NUMA1: variants seen among roughly 807,000 people sequenced by gnomAD.
NUMA1 encodes the protein SP-H antigen.
NUMA1 carries 62 observed loss-of-function variants against 237.1 expected under a neutral mutation model. That is an observed-to-expected ratio of 0.26 (90% CI 0.21 to 0.32). NUMA1 has a LOEUF of 0.32. NUMA1 is among the 10% of genes least tolerant of loss of function. The pLI is 1.00. For missense variants in NUMA1, 2,533 were observed against 2,666.5 expected, an observed-to-expected ratio of 0.95 and a Z score of 1.10; for synonymous variants, 1,028 against 1,066.1, an observed-to-expected ratio of 0.96 and a Z score of 0.70.
At chr11:72,019,065 C>A in intron 9 of NUMA1, 85 bp from the exon 10 acceptor site, 2 of 1,488,450 alleles carry the variant, frequency 1.3e-6, no homozygotes, top group South Asian at 2.4e-5. Flanking sequence ...GGAGCGGGGT[C>A]TATGGAAGTG....
chr11:72,016,303 AGTC>A (rs762788110), intron 14 of NUMA1, 43 bp from the exon 15 acceptor site: 1 of 1,583,654 alleles, frequency 6.3e-7, no homozygotes, highest in Non-Finnish European at 8.6e-7. Context: ...ATGACTCCTC[AGTC>A]ATCAAGACTC....
chr11:72,013,793 A>AG lies in NUMA1; in HGVS notation c.3709dup (p.Leu1237ProfsTer66). ...CTCCTTCTCCAGGACCTGGCGATTC[A>AG]GGATGGACACCTCCTCCTCCAAGCT... is the stretch of plus-strand genomic sequence containing the variant. On this transcript the variant is annotated frameshift_variant, in exon 15 of 27. Transcript: ENST00000393695. LOFTEE classifies it high-confidence loss of function. This position sits in a 1 kb window ranked among gnomAD's most constrained non-coding sequence, Gnocchi z 6.8. The AG allele has an allele frequency of 1.2e-6, 2 of 1,610,332 alleles. No individual in the cohort carries two copies. The highest frequency in any genetic ancestry group is 8.5e-7 in the Non-Finnish European group (1 of 1,180,008).
chr11:72,065,387 C>CTATT (rs1366928028), intron 2 of NUMA1: 1 of 151,860 alleles, frequency 6.6e-6, no homozygotes, highest in African/African-American at 2.4e-5. Context: ...ATATGATAGA[C>CTATT]TATTATGCAG....
At chr11:72,076,183 G>A (rs1192980980) in intron 1 of NUMA1, among the ~76,000 whole-genome samples, 5 of 151,936 alleles carry the variant, frequency 3.3e-5, no homozygotes, top group Admixed American at 2.0e-4. Context: ...AGACCAGCCC[G>A]GGCAACATGG....
In NUMA1 at chr11:72,013,117, C is replaced by A; in HGVS notation, c.4386G>T (p.Arg1462=). ...RGLGERANLG[R]QFLEVELDQA... is the part of the protein sequence containing the mutation. Reference sequence around the variant, plus strand: ...GGTCCAACTCCACTTCCAGAAACTGCCGGCCAAGGTTGGCCCGCTCACCCA... The same window carrying A: ...GGTCCAACTCCACTTCCAGAAACTGACGGCCAAGGTTGGCCCGCTCACCCA... Residue 1462 remains arginine, a synonymous_variant, in exon 15 of 27, where the codon CGG becomes CGT. Transcript: ENST00000393695. The surrounding 1 kb of genome is among the most constrained non-coding windows in gnomAD (Gnocchi z 6.8). The A allele has an allele frequency of 6.2e-7, 1 of 1,614,208 alleles. No individual in the cohort carries two copies. Among genetic ancestry groups the A allele is most frequent in the Non-Finnish European group, 8.5e-7 (1 of 1,180,048 alleles).
At chr11:72,004,617 C>T (rs1375871281) in intron 24 of NUMA1, 23 bp downstream of exon 24, 4 of 1,607,108 alleles carry the variant, frequency 2.5e-6, no homozygotes, top group Non-Finnish European at 8.5e-7. Flanking sequence ...GCTGGAGTAA[C>T]ACCCAGGAGC....
chr11:72,009,074 C>T lies in NUMA1; in HGVS notation c.4951G>A (p.Glu1651Lys). The change falls in exon 19 of 27, where the codon GAA becomes AAA. Residue 1651 changes from glutamate (E) to lysine (K), a missense_variant. Physicochemically the swap from Glu to Lys is moderately conservative, Grantham distance 56. Around this residue, in one of 3 missense-constraint regions of NUMA1, gnomAD observed 795 missense variants for 750.8 expected, o/e 1.06. Transcript: ENST00000393695. Reference protein sequence around the residue: ...LQKENKELRAEAERLGHELQQ... With the variant: ...LQKENKELRAKAERLGHELQQ... ...AGCTCATGGCCCAGCCGTTCAGCTTCAGCTCGCAGCTCTTTGTTTTCCTTC... is the reference window on the plus strand; with the variant it reads ...AGCTCATGGCCCAGCCGTTCAGCTTTAGCTCGCAGCTCTTTGTTTTCCTTC... 1 of 1,613,708 alleles carries T rather than the reference C, an allele frequency of 6.2e-7. No individual in the cohort carries two copies. The highest frequency in any genetic ancestry group is 8.5e-7 in the Non-Finnish European group (1 of 1,180,020).
chr11:72,019,923 G>A (rs769408801), intron 8 of NUMA1, among the ~76,000 whole-genome samples: 9 of 152,026 alleles, frequency 5.9e-5, no homozygotes, highest in Non-Finnish European at 1.2e-4. Flanking sequence ...CTTTTTCCTC[G>A]AGTCCACACT....
intron 4 of NUMA1, among the ~76,000 whole-genome samples, chr11:72,028,450 T>TA (rs11300189): frequency 0.023 from 1,760 of 75,402 alleles, 49 homozygotes; most frequent in East Asian, 0.039. Flanking sequence ...TGCTTTTTCT[T>TA]AAAAAAAAAA....
At chr11:72,012,734 G>A (rs541735817) in intron 15 of NUMA1, among the ~76,000 whole-genome samples, 161 bp downstream of exon 15, 1 of 152,148 alleles carries the variant, frequency 6.6e-6, no homozygotes. Flanking sequence ...AGGGGCAACA[G>A]ACTTGAACTC....
At chr11:72,028,719 A>C (rs185883162) in intron 4 of NUMA1, among the ~76,000 whole-genome samples, 6 of 152,386 alleles carry the variant, frequency 3.9e-5, no homozygotes, top group African/African-American at 1.2e-4. Context: ...ATAATGGCTT[A>C]GAAAGAGGCA....
chr11:72,031,542 C>A (rs1425203758), intron 3 of NUMA1, among the ~76,000 whole-genome samples: 1 of 152,160 alleles, frequency 6.6e-6, no homozygotes, highest in Non-Finnish European at 1.5e-5. Context: ...TGCCTGTAAT[C>A]CCAGCACTTG....
At chr11:72,059,111 A>G (rs1320595196) in intron 2 of NUMA1, among the ~76,000 whole-genome samples, 2 of 151,988 alleles carry the variant, frequency 1.3e-5, no homozygotes, top group Non-Finnish European at 2.9e-5. Context: ...AACCTTTTGG[A>G]TTTTTCCTAA....
chr11:72,007,750 A>G, intron 20 of NUMA1: 1 of 418,014 alleles, frequency 2.4e-6, no homozygotes, highest in South Asian at 2.4e-5. Context: ...TTCCTCCTGC[A>G]TCTCCCATTT....
In NUMA1 at chr11:72,006,244, G is replaced by C. The variant is rs1427406643; in HGVS notation, c.5483C>G (p.Pro1828Arg). ...TMTKKLDVEEPDSANSSFYST... is the reference protein window; with the variant it reads ...TMTKKLDVEERDSANSSFYST... ...GTAGAACGATGAGTTGGCGCTGTCT[G>C]GCTCTTCCACATCTAGCTTCTGGAA... Residue 1828 changes from proline (P) to arginine (R), a missense_variant, in exon 22 of 27, where the codon CCA (proline) becomes CGA (arginine). Physicochemically the swap from Pro to Arg is moderately radical, Grantham distance 103 (BLOSUM62 -2). Around this residue, in one of 3 missense-constraint regions of NUMA1, gnomAD observed 795 missense variants for 750.8 expected, o/e 1.06. Transcript: ENST00000393695. 6.2e-7 allele frequency: 1 copy of C among 1,614,152 alleles called. No individual in the cohort carries two copies. The highest frequency in any genetic ancestry group is 8.5e-7 in the Non-Finnish European group (1 of 1,180,004).
At position 72,061,124 on chromosome 11, in the gene NUMA1, C is replaced by T. The variant is rs576005041; in HGVS notation, c.-33+8718G>A. ...CAGTGCTGTGTGCCTGTAGTTCCAGCTACTTGGGAGGCTGAGGCAGGAGGA... is the reference window on the plus strand; with the variant it reads ...CAGTGCTGTGTGCCTGTAGTTCCAGTTACTTGGGAGGCTGAGGCAGGAGGA... On this transcript the variant is annotated intron_variant, in intron 2 of 26. Coordinates refer to ENST00000393695, the MANE Select transcript of NUMA1 (RefSeq NM_006185.4). 1.1e-4 allele frequency among the ~76,000 whole-genome samples: 17 copies of T among 152,288 alleles called. No individual in the cohort carries two copies. In the South Asian group the frequency reaches 3.5e-3, roughly 32 times the overall value.
Position 72,010,842 on chromosome 11 carries a change from T to G in NUMA1, c.4663A>C (p.Ser1555Arg). The G allele has an allele frequency of 6.2e-7, 1 of 1,613,934 alleles. No homozygotes were observed. Among genetic ancestry groups the G allele is most frequent in the Admixed American group, 1.7e-5 (1 of 60,006 alleles). ...TGGTCAGAGTCAGCCAGTTTCTTAC[T>G]CAGTTCTTCCACCTGGGGAGGGAAG... ...REQTKQVEEL[S>R]KKLADSDQAS... is the part of the protein sequence containing the mutation. Residue 1555 changes from serine (S) to arginine (R), a missense_variant, in exon 17 of 27, where the codon AGT becomes CGT. Coordinates refer to ENST00000393695, the MANE Select transcript of NUMA1 (RefSeq NM_006185.4).
intron 9 of NUMA1, 87 bp from the exon 10 acceptor site, chr11:72,019,067 A>G (rs1938351231): frequency 4.8e-6 from 7 of 1,471,878 alleles, no homozygotes; most frequent in East Asian, 2.3e-5. Flanking sequence ...AGCGGGGTCT[A>G]TGGAAGTGCG....
At chr11:72,032,277 T>C (rs1250467289) in intron 3 of NUMA1, among the ~76,000 whole-genome samples, 1 of 152,192 alleles carries the variant, frequency 6.6e-6, no homozygotes, top group Non-Finnish European at 1.5e-5. Context: ...TTATAATATA[T>C]TTTTACTGTC....
Sources: gnomAD v4.1 joint callset for allele counts (sites outside exome capture counted in the v4.1 genomes callset) on GRCh38, gnomAD v4.1.1 for gene constraint, gnomAD v4.1.1 regional missense constraint, Gnocchi (gnomAD v3.1) non-coding constraint, MANE v1.5 for transcripts, NCBI Gene and HGNC (gene_info 2026-07-23, HGNC 2026-07-21) for gene names.